The following STK39 variants were observed in gnomAD, a reference collection of about 807,000 sequenced individuals.
STK39 encodes STE20/SPS1-related proline-alanine-rich protein kinase.
A neutral mutation model predicts 77.8 loss-of-function variants in STK39; 20 were observed. The observed-to-expected ratio is 0.26, with a 90% CI of 0.18 to 0.37. The LOEUF is 0.37. Ranked by LOEUF, STK39 falls within the 10% of genes least tolerant of loss-of-function variation. STK39 has a pLI of 1.00. For missense variants in STK39, 479 were observed against 656.5 expected (o/e 0.73, Z 2.95); for synonymous variants, 246 against 234.1 (o/e 1.05, Z -0.47).
intron 1 of STK39, among the ~76,000 whole-genome samples, chr2:168,241,193 G>C (rs1291788241): frequency 3.3e-5 from 5 of 152,154 alleles, no homozygotes; most frequent in Non-Finnish European, 4.4e-5. Context: ...TATAAACTGA[G>C]GGAAAAGCAA....
At chr2:168,123,059 G>A (rs7562413) in intron 10 of STK39, among the ~76,000 whole-genome samples, 59,346 of 152,024 alleles carry the variant, frequency 0.39, 11,958 homozygotes, top group African/African-American at 0.48. Context: ...ATGATACAGA[G>A]AAGAACCCAA....
intron 16 of STK39, among the ~76,000 whole-genome samples, chr2:168,011,127 G>A (rs1276705737): frequency 2.6e-5 from 4 of 152,156 alleles, no homozygotes; most frequent in Non-Finnish European, 5.9e-5. Flanking sequence ...GCAAAACCCT[G>A]TCTCTACTAA....
chr2:167,956,429 C>T (rs1052103056), intron 17 of STK39, among the ~76,000 whole-genome samples: 1 of 152,044 alleles, frequency 6.6e-6, no homozygotes, highest in Admixed American at 6.6e-5. Context: ...TGGTGGCACA[C>T]ACCTGTAGTG....
chr2:168,185,648 A>C (rs952612257), intron 1 of STK39, among the ~76,000 whole-genome samples: 1 of 152,226 alleles, frequency 6.6e-6, no homozygotes, highest in East Asian at 1.9e-4. Flanking sequence ...ACTAAGGTCT[A>C]TGTGAAATTA....
At chr2:168,102,405 A>C (rs938802890) in intron 10 of STK39, among the ~76,000 whole-genome samples, 6 of 152,108 alleles carry the variant, frequency 3.9e-5, no homozygotes, top group African/African-American at 9.7e-5. Context: ...CCCTTGCATG[A>C]TCTTATGAGG....
intron 1 of STK39, among the ~76,000 whole-genome samples, chr2:168,217,239 A>G (rs1216481812): frequency 6.6e-6 from 1 of 152,160 alleles, no homozygotes; most frequent in African/African-American, 2.4e-5. Flanking sequence ...CACAGGGAAC[A>G]TGTTCCATTA....
chr2:168,046,234 T>G (rs1260789399), intron 14 of STK39, among the ~76,000 whole-genome samples: 3 of 152,018 alleles, frequency 2.0e-5, no homozygotes, highest in Non-Finnish European at 4.4e-5. Flanking sequence ...GGCGTGGTGG[T>G]GCATGCCTGT....
At chr2:168,017,124 A>C (rs199758345) in intron 14 of STK39, 29 bp from the exon 15 acceptor site, 11 of 1,504,450 alleles carry the variant, frequency 7.3e-6, no homozygotes, top group African/African-American at 1.4e-5. Flanking sequence ...AATACATTAA[A>C]GTCTAGGGAA....
chr2:168,021,260 C>A (rs1574399097), intron 14 of STK39, among the ~76,000 whole-genome samples: 1 of 152,166 alleles, frequency 6.6e-6, no homozygotes, highest in East Asian at 1.9e-4. Context: ...TAATATCCAA[C>A]ACCCATAATC....
At chr2:168,188,434 G>C (rs182769292) in intron 1 of STK39, among the ~76,000 whole-genome samples, 5 of 152,206 alleles carry the variant, frequency 3.3e-5, no homozygotes, top group Non-Finnish European at 7.3e-5. Flanking sequence ...TAAGGTTGAC[G>C]ATTAATTTTT....
At chr2:168,070,135 G>A (rs1574438338) in intron 12 of STK39, among the ~76,000 whole-genome samples, 1 of 152,042 alleles carries the variant, frequency 6.6e-6, no homozygotes, top group African/African-American at 2.4e-5. Flanking sequence ...ATATAAGCTA[G>A]GAAACACTAC....
At chr2:167,981,188 C>T (rs1345813346) in intron 16 of STK39, among the ~76,000 whole-genome samples, 1 of 152,136 alleles carries the variant, frequency 6.6e-6, no homozygotes, top group African/African-American at 2.4e-5. Context: ...TGCAGGTCCA[C>T]GTAAGGTATG....
chr2:167,996,064 T>A (rs1270731129), intron 16 of STK39, among the ~76,000 whole-genome samples: 6 of 151,542 alleles, frequency 4.0e-5, no homozygotes, highest in Admixed American at 3.9e-4. Flanking sequence ...TGTTAATATG[T>A]ACAGAAGAAA....
chr2:167,987,938 T>A (rs1380622495), intron 16 of STK39, among the ~76,000 whole-genome samples: 1 of 152,194 alleles, frequency 6.6e-6, no homozygotes, highest in Non-Finnish European at 1.5e-5. Flanking sequence ...CAAATTTTAA[T>A]CCTTACAGCT....
chr2:168,004,045 G>A (rs576199934), intron 16 of STK39, among the ~76,000 whole-genome samples: 2 of 152,138 alleles, frequency 1.3e-5, no homozygotes, highest in African/African-American at 2.4e-5. Flanking sequence ...AGAGCACTTC[G>A]CACATCTAAC....
At chr2:168,116,168 CAGCTTTCCACAA>C (rs1217017300) in intron 10 of STK39, among the ~76,000 whole-genome samples, 5 of 152,300 alleles carry the variant, frequency 3.3e-5, no homozygotes, top group Admixed American at 3.3e-4. Flanking sequence ...CTGCCTCTCA[CAGCTTTCCACAA>C]AGTCACAGAG....
chr2:168,222,999 GCA>G (rs1483483491), intron 1 of STK39, among the ~76,000 whole-genome samples: 1 of 152,214 alleles, frequency 6.6e-6, no homozygotes, highest in Non-Finnish European at 1.5e-5. Context: ...ACTATGTATT[GCA>G]CATTCATGAT....
chr2:168,182,386 T>C (rs753181269), intron 1 of STK39, among the ~76,000 whole-genome samples: 3 of 152,172 alleles, frequency 2.0e-5, no homozygotes, highest in Non-Finnish European at 4.4e-5. Context: ...TCCTGGTATT[T>C]TCTAGCTTGA....
intron 1 of STK39, among the ~76,000 whole-genome samples, chr2:168,203,757 TA>T (rs1356517236): frequency 6.6e-6 from 1 of 152,220 alleles, no homozygotes; most frequent in East Asian, 1.9e-4. Flanking sequence ...CGTGCCCCAC[TA>T]ATTTTTTGTA....
Sources: gnomAD v4.1 joint callset for allele counts (sites outside exome capture counted in the v4.1 genomes callset) on GRCh38, gnomAD v4.1.1 for gene constraint, MANE v1.5 for transcripts, NCBI Gene and HGNC (gene_info 2026-07-23, HGNC 2026-07-21) for gene names.